The following MCM10 variants were observed in gnomAD, a reference collection of about 807,000 sequenced individuals.
MCM10 encodes the protein protein MCM10 homolog.
A neutral mutation model predicts 109.9 loss-of-function variants in MCM10; 91 were observed. The ratio of observed to expected loss-of-function variants is 0.83; its 90% confidence interval spans 0.70 to 0.99. MCM10 has a LOEUF of 0.99. MCM10 is among the 50% of genes least tolerant of loss of function. The pLI is 0.00. For missense variants in MCM10, 1,077 were observed against 1,061.2 expected (o/e 1.01, Z -0.21); for synonymous variants, 380 against 387.2 (o/e 0.98, Z 0.22).
At chr10:13,175,997 C>A (rs1834137278) in intron 6 of MCM10, among the ~76,000 whole-genome samples, 1 of 152,146 alleles carries the variant, frequency 6.6e-6, no homozygotes, top group African/African-American at 2.4e-5. Flanking sequence ...AAATTTTTCT[C>A]CATCTCTATT....
chr10:13,204,680 A>G (rs538877252), intron 18 of MCM10, among the ~76,000 whole-genome samples: 1 of 151,824 alleles, frequency 6.6e-6, no homozygotes, highest in African/African-American at 2.4e-5. Flanking sequence ...GGATGCACAT[A>G]ATATTTTTTT....
intron 14 of MCM10, among the ~76,000 whole-genome samples, chr10:13,196,277 G>A (rs1283403239): frequency 6.6e-6 from 1 of 152,140 alleles, no homozygotes; most frequent in African/African-American, 2.4e-5. Context: ...TGCTGCGGCT[G>A]AAGTAGGGGT....
intron 2 of MCM10, among the ~76,000 whole-genome samples, chr10:13,170,313 T>A (rs1834053063): frequency 6.6e-6 from 1 of 152,182 alleles, no homozygotes; most frequent in Admixed American, 6.5e-5. Flanking sequence ...AAAATGTTAA[T>A]GATGGCTAAT....
rs1454992763 is a variant in MCM10, at chr10:13,209,600, A to C, written c.*290A>C. 2.2e-6 allele frequency: 1 copy of C among 455,946 alleles called. No homozygotes were observed. The highest frequency in any genetic ancestry group is 3.8e-5 in the Admixed American group (1 of 26,084). The allele number at this position is 455,946 out of a possible 1,614,324, so 28.2% of individuals were successfully genotyped here. A position where few individuals can be genotyped will look rare whatever the true frequency, so the allele number is the denominator to read the frequency against. ...TTTGCCCAAAAATTGGAAGGTAAAC[A>C]GAGAGCTATGTTTCTGTATCTTTTG... is the stretch of plus-strand genomic sequence containing the variant. On this transcript the variant is annotated 3_prime_UTR_variant, in exon 20 of 20. Coordinates refer to ENST00000378714, the MANE Select transcript of MCM10 (RefSeq NM_018518.5).
intron 15 of MCM10, among the ~76,000 whole-genome samples, chr10:13,198,305 A>G (rs1015572657): frequency 2.0e-5 from 3 of 152,244 alleles, no homozygotes; most frequent in African/African-American, 4.8e-5. Flanking sequence ...ATATATTAGC[A>G]TAAAGATTTA....
At chr10:13,196,635 C>G (rs2131583657) in intron 14 of MCM10, among the ~76,000 whole-genome samples, 1 of 152,204 alleles carries the variant, frequency 6.6e-6, no homozygotes, top group Non-Finnish European at 1.5e-5. Flanking sequence ...GCCTCAGCCT[C>G]CCGAATTGCT....
At chr10:13,179,589 G>A (rs1006079898) in intron 6 of MCM10, among the ~76,000 whole-genome samples, 8 of 152,008 alleles carry the variant, frequency 5.3e-5, no homozygotes, top group Non-Finnish European at 1.0e-4. Context: ...GTCTTTTCTC[G>A]TCTGCAAATA....
At position 13,180,485 on chromosome 10, in the gene MCM10, G is replaced by C. The variant is rs142541762; in HGVS notation, c.808G>C (p.Gly270Arg). Residue 270 changes from glycine to arginine, a missense_variant, in exon 7 of 20, where the codon GGC becomes CGC. Coordinates refer to ENST00000378714, the MANE Select transcript of MCM10 (RefSeq NM_018518.5). ...SSTEMNKKMT[G>R]RKLIRLSQIK... Reference sequence around the variant, plus strand: ...CACAGAAATGAACAAGAAAATGACCGGCCGAAAACTGATCAGACTGTCTCA... The same window carrying C: ...CACAGAAATGAACAAGAAAATGACCCGCCGAAAACTGATCAGACTGTCTCA... 1 of 1,613,730 alleles carries C rather than the reference G, an allele frequency of 6.2e-7. No homozygotes were observed.
intron 17 of MCM10, among the ~76,000 whole-genome samples, chr10:13,202,706 C>T (rs1244673331): frequency 6.6e-6 from 1 of 152,116 alleles, no homozygotes; most frequent in African/African-American, 2.4e-5. Context: ...TGCATTTCAC[C>T]CTAGATGACA....
intron 1 of MCM10, among the ~76,000 whole-genome samples, chr10:13,162,133 T>C (rs1314016865): frequency 6.6e-6 from 1 of 152,118 alleles, no homozygotes; most frequent in African/African-American, 2.4e-5. Context: ...GGGGGAGCTT[T>C]CTTCGACAGA....
rs76434412 is a variant in MCM10, at chr10:13,207,577, G to A, written c.2499-1514G>A. On this transcript the variant is annotated intron_variant, in intron 18 of 19. Transcript: ENST00000378714. Reference sequence around the variant, plus strand: ...CCATAATTCCCACAAGTTGAGAGAGGGACTCAGTGGGAGGTAATTGAATCA... The same window carrying A: ...CCATAATTCCCACAAGTTGAGAGAGAGACTCAGTGGGAGGTAATTGAATCA... Among the ~76,000 whole-genome samples, 803 of 152,216 alleles carry A rather than the reference G, an allele frequency of 5.3e-3. 7 individuals carry two copies. Among genetic ancestry groups the A allele is most frequent in the African/African-American group, 0.019 (775 of 41,528 alleles).
chr10:13,168,012 G>T (rs1352779097), intron 2 of MCM10, among the ~76,000 whole-genome samples: 3 of 152,142 alleles, frequency 2.0e-5, no homozygotes, highest in Admixed American at 2.0e-4. Context: ...GAGGTAAACG[G>T]GGTTGTGAGG....
rs1306115532 is a variant in MCM10, at chr10:13,182,349, G to T, written c.931-584G>T. On this transcript the variant is annotated intron_variant, in intron 7 of 19. Transcript: ENST00000378714. This position sits in a 1 kb window ranked among gnomAD's most constrained non-coding sequence, Gnocchi z 4.2. The stretch of plus-strand genomic sequence containing the variant: ...AAATTAGCTGGGGCTGGTAGCACAT[G>T]CCTGTAGTCCCAGCTGCTTGGGAGG... Among the ~76,000 whole-genome samples the T allele has an allele frequency of 6.6e-6, 1 of 152,040 alleles. No individual in the cohort carries two copies.
At chr10:13,166,055 C>T (rs1229923776) in intron 2 of MCM10, among the ~76,000 whole-genome samples, 3 of 151,870 alleles carry the variant, frequency 2.0e-5, no homozygotes, top group African/African-American at 7.3e-5. Flanking sequence ...GATAACAAAA[C>T]AATAAACGGG....
At chr10:13,181,407 C>T (rs574114529) in intron 7 of MCM10, among the ~76,000 whole-genome samples, 15 of 152,102 alleles carry the variant, frequency 9.9e-5, no homozygotes, top group South Asian at 4.1e-4. Context: ...CATTATCCTC[C>T]ACAAACTAAT....
chr10:13,201,984 A>G (rs1324738588), intron 17 of MCM10: 1 of 155,226 alleles, frequency 6.4e-6, no homozygotes, highest in Non-Finnish European at 1.4e-5. Flanking sequence ...TGTGGATTAG[A>G]TCATCATCTG....
chr10:13,183,888 C>T (rs1359441506), intron 8 of MCM10, among the ~76,000 whole-genome samples: 3 of 152,090 alleles, frequency 2.0e-5, no homozygotes, highest in Admixed American at 6.6e-5. Context: ...GATGGAGTTT[C>T]GCTCTTGTTG....
intron 18 of MCM10, 54 bp downstream of exon 18, chr10:13,204,418 T>C (rs1834542456): frequency 6.3e-7 from 1 of 1,599,440 alleles, no homozygotes; most frequent in African/African-American, 1.3e-5. Flanking sequence ...CATCTCTTTT[T>C]CCAGAGTCTG....
At chr10:13,174,136 T>A (rs950339419) in intron 5 of MCM10, among the ~76,000 whole-genome samples, 4 of 22,880 alleles carry the variant, frequency 1.7e-4, no homozygotes, top group Non-Finnish European at 4.8e-4. Flanking sequence ...AGTTTTGGAT[T>A]TTTTTTTTTT....
Sources: allele counts gnomAD v4.1 joint callset (sites outside exome capture counted in the v4.1 genomes callset), GRCh38; gene constraint gnomAD v4.1.1; non-coding constraint Gnocchi (gnomAD v3.1); transcripts MANE v1.5; gene names NCBI Gene and HGNC (gene_info 2026-07-23, HGNC 2026-07-21).